The following CACNA2D2 variants were observed in gnomAD, a reference collection of about 807,000 sequenced individuals.
The protein encoded by CACNA2D2 is calcium voltage-gated channel auxiliary subunit alpha2delta 2.
Under a neutral mutation model 166.4 loss-of-function variants are expected in CACNA2D2, and 48 were observed. That is an observed-to-expected ratio of 0.29 (90% CI 0.23 to 0.37). The LOEUF (loss-of-function observed/expected upper bound fraction) is 0.37, where lower values mean the gene tolerates loss of function less well. Ranked by LOEUF, CACNA2D2 falls within the 10% of genes least tolerant of loss-of-function variation. The probability of loss-of-function intolerance (pLI) is 1.00; values close to 1 mark genes in which losing one functional copy is unlikely to be tolerated. For missense variants in CACNA2D2, 1,122 were observed against 1,433.0 expected (o/e 0.78, Z 3.50); for synonymous variants, 561 against 573.7 (o/e 0.98, Z 0.32).
At chr3:50,498,106 G>C (rs545804963) in intron 1 of CACNA2D2, among the ~76,000 whole-genome samples, 1 of 152,128 alleles carries the variant, frequency 6.6e-6, no homozygotes, top group Non-Finnish European at 1.5e-5. Flanking sequence ...GCACGGGAGT[G>C]GGGTAGGTGG....
rs766750921 is a variant in CACNA2D2 at position 50,394,213 on chromosome 3, C to T, written c.406-45G>A. On this transcript the variant is annotated intron_variant, in intron 3 of 37. Transcript: ENST00000424201. ...GAGGTCAGAAGCGGAGGAAGGCAGC[C>T]TGCCCTATGCCCACCCCAAAGCCTC... 7.2e-6 allele frequency: 11 copies of T among 1,530,274 alleles called. No individual in the cohort carries two copies. The Admixed American group carries it at 1.3e-4, about 19-fold the overall frequency. 94.8% of individuals were successfully genotyped at this position (1,530,274 alleles called of 1,614,324 possible). A position where few individuals can be genotyped will look rare whatever the true frequency, so the allele number is the denominator to read the frequency against.
At chr3:50,446,496 G>C (rs1474828387) in intron 2 of CACNA2D2, among the ~76,000 whole-genome samples, 1 of 152,178 alleles carries the variant, frequency 6.6e-6, no homozygotes, top group Non-Finnish European at 1.5e-5. Context: ...GTGGGATCCT[G>C]TAACTCCTCT....
chr3:50,485,021 G>A (rs577681364), intron 1 of CACNA2D2, among the ~76,000 whole-genome samples: 15 of 152,326 alleles, frequency 9.8e-5, no homozygotes, highest in African/African-American at 2.4e-4. Context: ...ATTAAGGCTC[G>A]TTTATGATGG....
Position 50,364,673 on chromosome 3 carries a change from CG to C in CACNA2D2, c.3424del (p.Arg1142AlafsTer31). Reference protein sequence around the residue: ...QPQVLVHASRRL With the variant: ...QPQVLVHASRXL ...TGGGGTGGGGCAGGGTGCTCAGAGG[CG>C]GCGAGAGGCGTGGACGAGGACTTGA... On this transcript the variant is annotated frameshift_variant, in exon 38 of 38. Transcript: ENST00000424201. LOFTEE classifies it high-confidence loss of function. The C allele has an allele frequency of 1.3e-6, 2 of 1,525,166 alleles. No individual in the cohort carries two copies. Among genetic ancestry groups the C allele is most frequent in the East Asian group, 4.9e-5 (2 of 40,552 alleles). 94.5% of individuals were successfully genotyped at this position (1,525,166 alleles called of 1,614,324 possible).
At chr3:50,456,188 G>C (rs1395699044) in intron 2 of CACNA2D2, among the ~76,000 whole-genome samples, 3 of 152,234 alleles carry the variant, frequency 2.0e-5, no homozygotes, top group Non-Finnish European at 4.4e-5. Flanking sequence ...TGGTAGACAA[G>C]GGCTGTGTGC....
intron 2 of CACNA2D2, among the ~76,000 whole-genome samples, chr3:50,455,032 C>G (rs966641729): frequency 7.2e-5 from 11 of 152,230 alleles, no homozygotes; most frequent in African/African-American, 2.7e-4. Flanking sequence ...GAACAGGTCA[C>G]AAGCCTGCTG....
chr3:50,368,117 G>C, intron 24 of CACNA2D2, 21 bp downstream of exon 24: 1 of 1,559,078 alleles, frequency 6.4e-7, no homozygotes, highest in Non-Finnish European at 8.8e-7. Flanking sequence ...CCCAGAGCCA[G>C]CTGCCCTGCC....
At chr3:50,374,930 C>A in intron 21 of CACNA2D2, 117 bp from the exon 22 acceptor site, 1 of 808,372 alleles carries the variant, frequency 1.2e-6, no homozygotes, top group Non-Finnish European at 2.1e-6. Flanking sequence ...CCTCCCACCA[C>A]CAGGGACCCC....
In CACNA2D2 at chr3:50,375,914, C is replaced by T; in HGVS notation, c.1774-34G>A. On this transcript the variant is annotated intron_variant, in intron 19 of 37. Coordinates refer to ENST00000424201, the MANE Select transcript of CACNA2D2 (RefSeq NM_006030.4). The surrounding 1 kb of genome is among the most constrained non-coding windows in gnomAD (Gnocchi z 4.0). ...GCCAGAGATGTGAGGGGCAGGGCCC[C>T]TACACTCCTCTGCTCTGTCCCCCAC... 6.2e-7 allele frequency: 1 copy of T among 1,612,960 alleles called. No individual in the cohort carries two copies. The highest frequency in any genetic ancestry group is 1.1e-5 in the South Asian group (1 of 91,068).
At chr3:50,386,345 GC>G (rs1705606880) in intron 5 of CACNA2D2, among the ~76,000 whole-genome samples, 1 of 152,214 alleles carries the variant, frequency 6.6e-6, no homozygotes, top group African/African-American at 2.4e-5. Context: ...CCAACCCCCA[GC>G]CCAGGGGCTT....
At position 50,365,605 on chromosome 3, in the gene CACNA2D2, G is replaced by T. The variant is rs111907935; in HGVS notation, c.2971+28C>A. ...TAGCTCAGATTGGGGACCCGGACTT[G>T]AGGAGGCGCCTCCAAAGCCCTACCT... is the stretch of plus-strand genomic sequence containing the variant. On this transcript the variant is annotated intron_variant, in intron 34 of 37. Transcript: ENST00000424201. The surrounding 1 kb of genome is among the most constrained non-coding windows in gnomAD (Gnocchi z 4.5). 1.3e-6 allele frequency: 2 copies of T among 1,573,058 alleles called. No homozygotes were observed. Among genetic ancestry groups the T allele is most frequent in the Non-Finnish European group, 8.6e-7 (1 of 1,158,802 alleles).
chr3:50,500,354 C>A (rs573489019), intron 1 of CACNA2D2, among the ~76,000 whole-genome samples: 1 of 152,128 alleles, frequency 6.6e-6, no homozygotes, highest in Non-Finnish European at 1.5e-5. Flanking sequence ...GTGCTCCACC[C>A]AGCACTCAGC....
rs777180510 is a variant in CACNA2D2 at position 50,384,227 on chromosome 3, A to C, written c.621T>G (p.Ala207=). Residue 207 remains alanine, a synonymous_variant, in exon 6 of 38, where the codon GCT becomes GCG. Coordinates refer to ENST00000424201, the MANE Select transcript of CACNA2D2 (RefSeq NM_006030.4). Reference sequence around the variant, plus strand: ...TGTAGATGTCCGTAGGGATCTGTACAGCCGCGTATGAATAGTTGACCTTGT... The same window carrying C: ...TGTAGATGTCCGTAGGGATCTGTACCGCCGCGTATGAATAGTTGACCTTGT... The part of the protein sequence containing the change: ...FKNKVNYSYA[A]VQIPTDIYKG... The C allele has an allele frequency of 1.2e-6, 2 of 1,614,192 alleles. No homozygotes were observed. Among genetic ancestry groups the C allele is most frequent in the Non-Finnish European group, 1.7e-6 (2 of 1,180,012 alleles).
intron 2 of CACNA2D2, among the ~76,000 whole-genome samples, chr3:50,454,508 T>C (rs994312416): frequency 3.9e-5 from 6 of 152,078 alleles, no homozygotes; most frequent in African/African-American, 1.4e-4. Flanking sequence ...AATCAGGGCC[T>C]GGGAAAGCAA....
At chr3:50,385,306 T>C (rs587611714) in intron 5 of CACNA2D2, among the ~76,000 whole-genome samples, 9 of 152,176 alleles carry the variant, frequency 5.9e-5, no homozygotes, top group Admixed American at 2.0e-4. Context: ...CCTAGGCTGA[T>C]AGGAGAGATC....
At position 50,454,704 on chromosome 3, in the gene CACNA2D2, A is replaced by AT. The variant is rs372719915; in HGVS notation, c.289-20276dup. Among the ~76,000 whole-genome samples, 1,009 of 151,338 alleles carry AT rather than the reference A, an allele frequency of 6.7e-3. 15 individuals carry two copies. The highest frequency in any genetic ancestry group is 0.021 in the African/African-American group (886 of 41,250). ...CTTATACTCGGTGAGCTAAAAAAAA[A>AT]TTTTTTTTTTGATTGGAAAAGAGCC... On this transcript the variant is annotated intron_variant, in intron 2 of 37. Coordinates refer to ENST00000424201, the MANE Select transcript of CACNA2D2 (RefSeq NM_006030.4).
At chr3:50,405,038 T>C (rs367959353) in intron 3 of CACNA2D2, among the ~76,000 whole-genome samples, 1 of 152,324 alleles carries the variant, frequency 6.6e-6, no homozygotes, top group South Asian at 2.1e-4. Flanking sequence ...GTTATTTTTA[T>C]ACTTTTTCCT....
intron 23 of CACNA2D2, 56 bp from the exon 24 acceptor site, chr3:50,368,291 G>T: frequency 9.0e-7 from 1 of 1,105,500 alleles, no homozygotes; most frequent in Non-Finnish European, 1.4e-6. Context: ...AGGGCAATGG[G>T]GTCAAGGCTT....
At chr3:50,377,873 G>C in intron 15 of CACNA2D2, 70 bp from the exon 16 acceptor site, 1 of 1,506,516 alleles carries the variant, frequency 6.6e-7, no homozygotes, top group Non-Finnish European at 9.2e-7. Context: ...TTCAGAGCAG[G>C]GACTGAGGTG....
Sources: gnomAD v4.1 joint callset for allele counts (sites outside exome capture counted in the v4.1 genomes callset) on GRCh38, gnomAD v4.1.1 for gene constraint, Gnocchi (gnomAD v3.1) non-coding constraint, MANE v1.5 for transcripts, NCBI Gene and HGNC (gene_info 2026-07-23, HGNC 2026-07-21) for gene names.